Variants in RIMS2 observed in about 807,000 individuals in gnomAD.
RIMS2 encodes regulating synaptic membrane exocytosis 2, also known as regulating synaptic membrane exocytosis protein 2.
RIMS2 carries 59 observed loss-of-function variants against 174.4 expected under a neutral mutation model. That is an observed-to-expected ratio of 0.34 (90% CI 0.27 to 0.42). RIMS2 has a LOEUF of 0.42. RIMS2 is among the 10% of genes least tolerant of loss of function. The pLI is 1.00. For missense variants in RIMS2, 1,620 were observed against 1,666.3 expected, an observed-to-expected ratio of 0.97 and a Z score of 0.48; for synonymous variants, 606 against 572.5, an observed-to-expected ratio of 1.06 and a Z score of -0.84.
chr8:104,228,206 A>G (rs995147734), intron 19 of RIMS2, among the ~76,000 whole-genome samples: 2 of 151,196 alleles, frequency 1.3e-5, no homozygotes, highest in African/African-American at 4.9e-5. Flanking sequence ...TTTTTTGTAT[A>G]TTTAGTGGAG....
chr8:103,851,904 G>T (rs566381339), intron 3 of RIMS2, among the ~76,000 whole-genome samples: 1 of 151,326 alleles, frequency 6.6e-6, no homozygotes, highest in South Asian at 2.1e-4. Flanking sequence ...GTTCAGCCCT[G>T]TAAAGAACAA....
At chr8:103,708,826 C>T (rs768908866) in intron 2 of RIMS2, among the ~76,000 whole-genome samples, 16 of 151,976 alleles carry the variant, frequency 1.1e-4, no homozygotes, top group Non-Finnish European at 1.9e-4. Flanking sequence ...TTGTTGAGGG[C>T]CTGGGGGAAT....
At chr8:104,101,946 C>G (rs1284546395) in intron 19 of RIMS2, among the ~76,000 whole-genome samples, 4 of 152,094 alleles carry the variant, frequency 2.6e-5, no homozygotes, top group African/African-American at 9.7e-5. Context: ...CCTCTGTCTT[C>G]TTTGTGAGCT....
chr8:103,634,505 A>C (rs962381134), intron 1 of RIMS2, among the ~76,000 whole-genome samples: 1 of 152,176 alleles, frequency 6.6e-6, no homozygotes, highest in Non-Finnish European at 1.5e-5. Context: ...GTTGTTTTTG[A>C]GTGAAAACTT....
At chr8:103,956,603 A>G (rs960203041) in intron 14 of RIMS2, among the ~76,000 whole-genome samples, 1 of 152,248 alleles carries the variant, frequency 6.6e-6, no homozygotes, top group Non-Finnish European at 1.5e-5. Flanking sequence ...AATTAACTCA[A>G]GATGGATTAA....
chr8:103,570,468 A>G lies in RIMS2; in HGVS notation c.176+69406A>G, dbSNP rs148696406. On this transcript the variant is annotated intron_variant, in intron 1 of 23. Transcript: ENST00000504942. ...CTTATAAATAAGTCTCTCCCATTTC[A>G]TAAATCCTCTGATGCTTTGCTTCTC... Among the ~76,000 whole-genome samples the G allele has an allele frequency of 3.9e-5, 6 of 152,262 alleles. No homozygotes were observed. The East Asian group carries it at 1.2e-3, about 29-fold the overall frequency.
At chr8:104,066,394 A>C (rs1566140058) in intron 19 of RIMS2, among the ~76,000 whole-genome samples, 1 of 151,598 alleles carries the variant, frequency 6.6e-6, no homozygotes, top group East Asian at 1.9e-4. Context: ...ATATCTATAT[A>C]TGTGTGTGTG....
intron 19 of RIMS2, among the ~76,000 whole-genome samples, chr8:104,100,816 A>ATATATGTAATATATAATATATATG (rs1566389044): frequency 7.1e-6 from 1 of 141,396 alleles, no homozygotes; most frequent in East Asian, 2.0e-4. Context: ...ATTATATATT[A>ATATATGTAATATATAATATATATG]TATTATATAT....
intron 2 of RIMS2, among the ~76,000 whole-genome samples, chr8:103,715,392 T>C (rs2097355945): frequency 6.6e-6 from 1 of 152,144 alleles, no homozygotes; most frequent in Non-Finnish European, 1.5e-5. Flanking sequence ...GTCCATGTGT[T>C]CTGATTGTTC....
intron 1 of RIMS2, among the ~76,000 whole-genome samples, chr8:103,511,374 A>G (rs1826359209): frequency 6.6e-6 from 1 of 152,230 alleles, no homozygotes; most frequent in Non-Finnish European, 1.5e-5. Flanking sequence ...TGGTCATGTT[A>G]AAAGACTCAG....
At chr8:103,781,486 G>C (rs922961962) in intron 3 of RIMS2, among the ~76,000 whole-genome samples, 2 of 152,168 alleles carry the variant, frequency 1.3e-5, no homozygotes, top group African/African-American at 4.8e-5. Context: ...TCATCAGCAA[G>C]TGTTAAAAGT....
At chr8:103,744,416 G>T (rs2097788547) in intron 2 of RIMS2, among the ~76,000 whole-genome samples, 1 of 152,076 alleles carries the variant, frequency 6.6e-6, no homozygotes. Context: ...CCTGTGCTTT[G>T]CTTATCTTGT....
Position 103,936,549 on chromosome 8 carries a change from A to T in RIMS2, c.2376-2A>T, listed in dbSNP as rs1239457500. 1 of 1,535,660 alleles carries T rather than the reference A, an allele frequency of 6.5e-7. No individual in the cohort carries two copies. Among genetic ancestry groups the T allele is most frequent in the Admixed American group, 2.1e-5 (1 of 47,890 alleles). ...TTCATAATTCATTGTTTTTTTCCATAGTGATAAAAACAAGAGAAGAACTAA... is the reference window on the plus strand; with the variant it reads ...TTCATAATTCATTGTTTTTTTCCATTGTGATAAAAACAAGAGAAGAACTAA... On this transcript the variant is annotated splice_acceptor_variant, in intron 12 of 23. Coordinates refer to ENST00000504942, the Ensembl canonical transcript of RIMS2. LOFTEE classifies it high-confidence loss of function.
At chr8:104,103,144 AT>A (rs1253014009) in intron 19 of RIMS2, among the ~76,000 whole-genome samples, 1 of 152,178 alleles carries the variant, frequency 6.6e-6, no homozygotes, top group Non-Finnish European at 1.5e-5. Context: ...AAGGCCATAT[AT>A]TGTATTATTT....
intron 10 of RIMS2, among the ~76,000 whole-genome samples, chr8:103,926,080 G>C (rs187467670): frequency 6.6e-6 from 1 of 151,390 alleles, no homozygotes; most frequent in Admixed American, 6.6e-5. Context: ...ATGGAAAAAT[G>C]TTTGCTTTTA....
At chr8:104,103,086 T>C (rs374794766) in intron 19 of RIMS2, among the ~76,000 whole-genome samples, 23 of 151,990 alleles carry the variant, frequency 1.5e-4, no homozygotes, top group African/African-American at 5.1e-4. Flanking sequence ...TACTACAACA[T>C]GGATGAAGCT....
intron 1 of RIMS2, among the ~76,000 whole-genome samples, chr8:103,673,210 G>A (rs1488183801): frequency 6.6e-6 from 1 of 152,172 alleles, no homozygotes; most frequent in African/African-American, 2.4e-5. Context: ...AAGTTATTGA[G>A]TGCCTGCAGC....
At chr8:103,837,523 C>G (rs970266231) in intron 3 of RIMS2, among the ~76,000 whole-genome samples, 29 of 152,190 alleles carry the variant, frequency 1.9e-4, no homozygotes, top group African/African-American at 6.5e-4. Flanking sequence ...TCCCTCCCCC[C>G]TCAACAGACC....
chr8:103,650,007 T>G (rs2096419286), intron 1 of RIMS2, among the ~76,000 whole-genome samples: 1 of 152,318 alleles, frequency 6.6e-6, no homozygotes, highest in Middle Eastern at 3.4e-3. Context: ...CTGTTCTGGC[T>G]TTTTGAGTTT....
Sources: gnomAD v4.1 joint callset for allele counts (sites outside exome capture counted in the v4.1 genomes callset) on GRCh38, gnomAD v4.1.1 for gene constraint, MANE v1.5 for transcripts, NCBI Gene and HGNC (gene_info 2026-07-23, HGNC 2026-07-21) for gene names.